RBFOX3: variants seen among roughly 807,000 people sequenced by gnomAD.
RBFOX3 encodes the protein RNA binding protein fox-1 homolog 3.
RBFOX3 carries 17 observed loss-of-function variants against 48.7 expected under a neutral mutation model. The ratio of observed to expected loss-of-function variants is 0.35; its 90% CI spans 0.24 to 0.52. The LOEUF (loss-of-function observed/expected upper bound fraction) is 0.52, where lower values mean the gene tolerates loss of function less well. Ranked by LOEUF, RBFOX3 falls within the 20% of genes least tolerant of loss-of-function variation. The probability of loss-of-function intolerance (pLI) is 0.94; values close to 1 mark genes in which losing one functional copy is unlikely to be tolerated. For synonymous variants in RBFOX3, 212 were observed against 209.5 expected, an observed-to-expected ratio of 1.01 and a Z score of -0.10; for missense variants, 382 against 497.5, an observed-to-expected ratio of 0.77 and a Z score of 2.21.
chr17:79,474,558 G>C (rs2077454870), intron 2 of RBFOX3, among the ~76,000 whole-genome samples: 1 of 152,186 alleles, frequency 6.6e-6, no homozygotes. Flanking sequence ...GGAACACAGG[G>C]AGCAAAGTCT....
rs546213337 is a variant in RBFOX3, at chr17:79,269,836, G to C, written c.-73-34031C>G. Reference sequence around the variant, plus strand: ...CATCACAAGCAAGCCTTCCAGCAAGGTGAGCCCCACCACTGCCCTCATCCA... The same window carrying C: ...CATCACAAGCAAGCCTTCCAGCAAGCTGAGCCCCACCACTGCCCTCATCCA... On this transcript the variant is annotated intron_variant, in intron 3 of 14. Coordinates refer to ENST00000693108, the MANE Select transcript of RBFOX3 (RefSeq NM_001350451.2). Among the ~76,000 whole-genome samples, 139 of 150,982 alleles carry C rather than the reference G, an allele frequency of 9.2e-4. 1 individual carries two copies. The highest frequency in any genetic ancestry group is 1.7e-3 in the Non-Finnish European group (114 of 67,982).
intron 1 of RBFOX3, among the ~76,000 whole-genome samples, chr17:79,531,355 G>T (rs1412765641): frequency 6.6e-6 from 1 of 152,172 alleles, no homozygotes; most frequent in Non-Finnish European, 1.5e-5. Flanking sequence ...TGCGGAGGAG[G>T]GCGGCCCAGG....
intron 1 of RBFOX3, among the ~76,000 whole-genome samples, chr17:79,595,459 T>A (rs2093543832): frequency 6.6e-6 from 1 of 152,248 alleles, no homozygotes; most frequent in Non-Finnish European, 1.5e-5. Context: ...TAAATCACAC[T>A]GACGGTTCTG....
Position 79,413,293 on chromosome 17 carries a change from G to A in RBFOX3, c.-175+69161C>T, listed in dbSNP as rs113964154. Among the ~76,000 whole-genome samples the A allele has an allele frequency of 1.8e-3, 268 of 152,320 alleles. 3 individuals are homozygous for A. The highest frequency in any genetic ancestry group is 6.1e-3 in the African/African-American group (255 of 41,562). ...CAAAGGCTGCACTTTCTCAATTTCCGTGACTTAGACTCCAAATTATCCCAA... is the reference window on the plus strand; with the variant it reads ...CAAAGGCTGCACTTTCTCAATTTCCATGACTTAGACTCCAAATTATCCCAA... On this transcript the variant is annotated intron_variant, in intron 2 of 14. Transcript: ENST00000693108.
intron 3 of RBFOX3, among the ~76,000 whole-genome samples, chr17:79,237,143 A>T (rs1413190067): frequency 6.6e-6 from 1 of 152,200 alleles, no homozygotes; most frequent in Non-Finnish European, 1.5e-5. Context: ...CCTCCTGTGC[A>T]TATGTGTATG....
chr17:79,635,100 A>AAAAC, the RBFOX3 span, among the ~76,000 whole-genome samples: 2 of 127,548 alleles, frequency 1.6e-5, no homozygotes, highest in African/African-American at 5.9e-5. Flanking sequence ...AAAAAAAAAA[A>AAAAC]ACGTTGGCAC....
intron 2 of RBFOX3, among the ~76,000 whole-genome samples, chr17:79,343,201 T>C (rs111714247): frequency 4.8e-4 from 73 of 152,296 alleles, no homozygotes; most frequent in African/African-American, 1.7e-3. Flanking sequence ...TCATCCTTAC[T>C]AATAGCTCAT....
the RBFOX3 span, among the ~76,000 whole-genome samples, chr17:79,621,242 G>T: frequency 1.3e-5 from 2 of 151,802 alleles, no homozygotes; most frequent in African/African-American, 2.4e-5. Flanking sequence ...CAGGTGATCC[G>T]CCCGCCTCGG....
intron 4 of RBFOX3, among the ~76,000 whole-genome samples, chr17:79,203,963 G>A (rs1231487256): frequency 1.2e-4 from 19 of 152,124 alleles, no homozygotes; most frequent in Non-Finnish European, 2.4e-4. Flanking sequence ...CGTTTGTGTG[G>A]ATGAGCCTGA....
At chr17:79,572,934 C>T (rs2092730390) in intron 1 of RBFOX3, among the ~76,000 whole-genome samples, 1 of 141,474 alleles carries the variant, frequency 7.1e-6, no homozygotes, top group Non-Finnish European at 1.5e-5. Flanking sequence ...GCCAGTAAAA[C>T]ACTAATTCCA....
chr17:79,219,183 C>G (rs921982869), intron 4 of RBFOX3, among the ~76,000 whole-genome samples: 22 of 152,154 alleles, frequency 1.4e-4, no homozygotes, highest in African/African-American at 5.3e-4. Context: ...TGTGTCTGGA[C>G]CCAGAGGTCA....
chr17:79,590,751 T>C (rs1231129221), intron 1 of RBFOX3, among the ~76,000 whole-genome samples: 2 of 152,178 alleles, frequency 1.3e-5, no homozygotes, highest in Non-Finnish European at 2.9e-5. Flanking sequence ...GTCCACCTCC[T>C]GGCGTTCAGA....
intron 1 of RBFOX3, chr17:79,598,774 G>A (rs1278775088): frequency 6.6e-6 from 1 of 152,140 alleles, no homozygotes; most frequent in Non-Finnish European, 1.5e-5. Context: ...TTAGTGGGTT[G>A]GACTCTTGCC....
chr17:79,451,111 G>A (rs544425199), intron 2 of RBFOX3, among the ~76,000 whole-genome samples: 5 of 152,086 alleles, frequency 3.3e-5, no homozygotes, highest in East Asian at 1.9e-4. Context: ...CCTTCCTCTC[G>A]CCTGCCTTGC....
At chr17:79,324,204 G>A (rs184599698) in intron 2 of RBFOX3, among the ~76,000 whole-genome samples, 1 of 152,288 alleles carries the variant, frequency 6.6e-6, no homozygotes, top group African/African-American at 2.4e-5. Context: ...TTGCCAGCCT[G>A]CAAGCATCTG....
intron 4 of RBFOX3, among the ~76,000 whole-genome samples, chr17:79,155,329 C>G (rs182113090): frequency 6.6e-6 from 1 of 152,202 alleles, no homozygotes; most frequent in African/African-American, 2.4e-5. Flanking sequence ...TTCCCCTCCC[C>G]GCTCCTCGGG....
chr17:79,219,300 A>G (rs949524167), intron 4 of RBFOX3, among the ~76,000 whole-genome samples: 2 of 152,230 alleles, frequency 1.3e-5, no homozygotes, highest in African/African-American at 2.4e-5. Flanking sequence ...CACGGAAAGC[A>G]CAACAAATTC....
chr17:79,199,146 G>A lies in RBFOX3; in HGVS notation c.-34+36620C>T, dbSNP rs185014231. ...TGGAGTGAAAGCTGCCCAGCAAAGG[G>A]TGCAGCTGTGGTCATAGGGTGGGGA... On this transcript the variant is annotated intron_variant, in intron 4 of 14. Transcript: ENST00000693108. This position sits in a 1 kb window ranked among gnomAD's most constrained non-coding sequence, Gnocchi z 5.1. 6.6e-6 allele frequency among the ~76,000 whole-genome samples: 1 copy of A among 152,256 alleles called. No homozygotes were observed. Among genetic ancestry groups the A allele is most frequent in the Admixed American group, 6.5e-5 (1 of 15,296 alleles).
At chr17:79,322,138 G>A (rs4790009) in intron 2 of RBFOX3, among the ~76,000 whole-genome samples, 31,458 of 152,098 alleles carry the variant, frequency 0.21, 4,118 homozygotes, top group African/African-American at 0.36. Context: ...AAAGAGATGG[G>A]TGTGATGAGG....
Sources: allele counts gnomAD v4.1 joint callset (sites outside exome capture counted in the v4.1 genomes callset), GRCh38; gene constraint gnomAD v4.1.1; non-coding constraint Gnocchi (gnomAD v3.1); transcripts MANE v1.5; gene names NCBI Gene and HGNC (gene_info 2026-07-23, HGNC 2026-07-21).